CRB1: variants seen among roughly 807,000 people sequenced by gnomAD.
The protein encoded by CRB1 is protein crumbs homolog 1.
In CRB1, 83 loss-of-function variants were observed where a neutral mutation model predicts 120.0. That is an observed-to-expected ratio of 0.69 (90% CI 0.58 to 0.83). The LOEUF (loss-of-function observed/expected upper bound fraction) is 0.83. Among genes scored for constraint, CRB1 ranks in the 40% least tolerant of loss-of-function variants. The pLI is 0.00. For synonymous variants in CRB1, 625 were observed against 612.5 expected, an observed-to-expected ratio of 1.02 and a Z score of -0.30; for missense variants, 1,699 against 1,687.6, an observed-to-expected ratio of 1.01 and a Z score of -0.12.
intron 11 of CRB1, among the ~76,000 whole-genome samples, chr1:197,449,952 C>T (rs1665881010): frequency 6.6e-6 from 1 of 152,172 alleles, no homozygotes; most frequent in Non-Finnish European, 1.5e-5. Flanking sequence ...TTCTCTGGTT[C>T]TTCAAGCCTG....
the CRB1 span, among the ~76,000 whole-genome samples, chr1:197,260,908 G>A: frequency 6.6e-6 from 1 of 152,202 alleles, no homozygotes; most frequent in East Asian, 1.9e-4. Flanking sequence ...TATTGGCCAG[G>A]CTGGTCTCGA....
intron 10 of CRB1, chr1:197,441,286 C>T (rs1481258590): frequency 1.3e-5 from 2 of 152,068 alleles, no homozygotes; most frequent in Non-Finnish European, 2.9e-5. Flanking sequence ...GAGTGTTTGT[C>T]ACATAGTATG....
At chr1:197,268,150 A>T, upstream of CRB1, 2 of 441,306 alleles carry the variant, frequency 4.5e-6, no homozygotes, top group South Asian at 4.6e-5. Context: ...TGAGGGGGGA[A>T]TGAATCCAAT....
At chr1:197,447,066 C>T (rs1571582549) in intron 11 of CRB1, among the ~76,000 whole-genome samples, 3 of 152,292 alleles carry the variant, frequency 2.0e-5, no homozygotes, top group African/African-American at 2.4e-5. Context: ...AAACAACACA[C>T]ATTTATTATC....
chr1:197,303,879 T>C (rs1181843513), intron 1 of CRB1, among the ~76,000 whole-genome samples: 1 of 152,204 alleles, frequency 6.6e-6, no homozygotes. Flanking sequence ...TTCCAGCTAC[T>C]TGGGAGGCTG....
chr1:197,422,428 A>G (rs1664384089), intron 6 of CRB1, among the ~76,000 whole-genome samples: 1 of 152,056 alleles, frequency 6.6e-6, no homozygotes, highest in South Asian at 2.1e-4. Context: ...CATGCAATTC[A>G]CACTTGCTCC....
intron 5 of CRB1, among the ~76,000 whole-genome samples, chr1:197,419,738 G>A (rs577451072): frequency 6.6e-6 from 1 of 151,070 alleles, no homozygotes; most frequent in African/African-American, 2.4e-5. Context: ...ACTTTGGGAG[G>A]CCGAGGCGGG....
intron 1 of CRB1, among the ~76,000 whole-genome samples, chr1:197,312,729 A>T (rs922650694): frequency 6.6e-6 from 1 of 152,216 alleles, no homozygotes; most frequent in Admixed American, 6.5e-5. Context: ...ACATAGCAAC[A>T]TTTAATATTA....
intron 1 of CRB1, among the ~76,000 whole-genome samples, chr1:197,290,058 T>A (rs1352272539): frequency 6.6e-6 from 1 of 151,830 alleles, no homozygotes; most frequent in Non-Finnish European, 1.5e-5. Flanking sequence ...TTCTGCTAAC[T>A]TGTTCCTTGT....
At chr1:197,294,016 G>A (rs1436210531) in intron 1 of CRB1, among the ~76,000 whole-genome samples, 2 of 152,168 alleles carry the variant, frequency 1.3e-5, no homozygotes, top group Non-Finnish European at 2.9e-5. Flanking sequence ...AGGACTTGAT[G>A]TCTAAAACAC....
intron 2 of CRB1, among the ~76,000 whole-genome samples, chr1:197,340,320 A>G (rs1315750824): frequency 6.6e-6 from 1 of 152,148 alleles, no homozygotes; most frequent in African/African-American, 2.4e-5. Context: ...CTTGAGATAC[A>G]GTGGAGCTGT....
the CRB1 span, among the ~76,000 whole-genome samples, chr1:197,255,102 T>C: frequency 6.6e-6 from 1 of 152,096 alleles, no homozygotes. Context: ...CATCCGTTTC[T>C]CTTTCATTTG....
intron 5 of CRB1, among the ~76,000 whole-genome samples, chr1:197,374,915 G>T (rs1222285165): frequency 6.6e-6 from 1 of 152,082 alleles, no homozygotes; most frequent in Non-Finnish European, 1.5e-5. Context: ...AGGAGAGCTA[G>T]AAACAACCAA....
chr1:197,358,471 T>G (rs771888323), intron 5 of CRB1, among the ~76,000 whole-genome samples: 1 of 152,180 alleles, frequency 6.6e-6, no homozygotes, highest in Non-Finnish European at 1.5e-5. Flanking sequence ...CAGAAAAGTG[T>G]TGGGCTTGAT....
intron 11 of CRB1, among the ~76,000 whole-genome samples, chr1:197,458,712 T>C (rs1436886967): frequency 2.6e-5 from 4 of 152,094 alleles, no homozygotes; most frequent in Non-Finnish European, 5.9e-5. Context: ...TCAATACATC[T>C]GGCAATGGGT....
At chr1:197,214,861 C>T in the CRB1 span, among the ~76,000 whole-genome samples, 1 of 151,402 alleles carries the variant, frequency 6.6e-6, no homozygotes, top group South Asian at 2.1e-4. Flanking sequence ...CAAAGCCAGA[C>T]CAGGATACTG....
the CRB1 span, among the ~76,000 whole-genome samples, chr1:197,225,117 A>G: frequency 2.6e-5 from 4 of 152,168 alleles, no homozygotes; most frequent in South Asian, 2.1e-4. Flanking sequence ...TCACAGATGA[A>G]TTGAATGTGC....
At chr1:197,227,963 G>A in the CRB1 span, among the ~76,000 whole-genome samples, 5 of 152,292 alleles carry the variant, frequency 3.3e-5, no homozygotes, top group African/African-American at 7.2e-5. Flanking sequence ...TGGGGCTTAC[G>A]TCCTCTGAAA....
intron 5 of CRB1, among the ~76,000 whole-genome samples, chr1:197,407,004 C>T (rs1299708144): frequency 6.6e-6 from 1 of 152,136 alleles, no homozygotes; most frequent in Non-Finnish European, 1.5e-5. Context: ...GACATTTGAC[C>T]TCCAAACACC....
Sources: allele counts gnomAD v4.1 joint callset (sites outside exome capture counted in the v4.1 genomes callset), GRCh38; gene constraint gnomAD v4.1.1; transcripts MANE v1.5; gene names NCBI Gene and HGNC (gene_info 2026-07-23, HGNC 2026-07-21).